Variants in SKIC3 observed in about 807,000 individuals in gnomAD.
The protein encoded by SKIC3 is SKI3 subunit of superkiller complex, also known as superkiller complex protein 3.
At chr5:95,514,821 A>T in the SKIC3 span, 2 of 1,602,110 alleles carry the variant, frequency 1.2e-6, no homozygotes, top group Non-Finnish European at 1.7e-6. Flanking sequence ...TGATATCAAC[A>T]AGCTTATTAG....
chr5:95,529,946 C>A, the SKIC3 span: 76 of 938,842 alleles, frequency 8.1e-5, 1 homozygote, highest in African/African-American at 1.1e-3. Flanking sequence ...AGAGTTCAAA[C>A]CTAAGCAGAG....
At chr5:95,549,427 T>C in the SKIC3 span, among the ~76,000 whole-genome samples, 4 of 152,054 alleles carry the variant, frequency 2.6e-5, no homozygotes, top group African/African-American at 9.7e-5. Flanking sequence ...TTAGTAATTT[T>C]TAAGTAGGTT....
the SKIC3 span, chr5:95,527,923 A>G: frequency 3.3e-4 from 475 of 1,425,758 alleles, no homozygotes; most frequent in African/African-American, 6.1e-3. Flanking sequence ...CAAAATCCAT[A>G]TAAGTAAATT....
chr5:95,543,915 C>T, the SKIC3 span, among the ~76,000 whole-genome samples: 1 of 152,184 alleles, frequency 6.6e-6, no homozygotes, highest in Non-Finnish European at 1.5e-5. Flanking sequence ...ATAACAGCTA[C>T]TTGCTAAAGG....
the SKIC3 span, among the ~76,000 whole-genome samples, chr5:95,502,659 C>T: frequency 4.6e-5 from 7 of 152,180 alleles, no homozygotes; most frequent in East Asian, 1.4e-3. Context: ...TAATATGCAA[C>T]AGAGTAATGG....
At chr5:95,481,019 T>C in the SKIC3 span, among the ~76,000 whole-genome samples, 3 of 152,092 alleles carry the variant, frequency 2.0e-5, no homozygotes, top group Non-Finnish European at 4.4e-5. Context: ...GCTAGAACTG[T>C]TCTGTATCTT....
the SKIC3 span, among the ~76,000 whole-genome samples, chr5:95,537,937 A>C: frequency 1.3e-5 from 2 of 152,210 alleles, no homozygotes; most frequent in Non-Finnish European, 2.9e-5. Context: ...TAAAGTTAAC[A>C]ATCTTACAAA....
the SKIC3 span, among the ~76,000 whole-genome samples, chr5:95,476,755 C>T: frequency 1.4e-4 from 22 of 151,898 alleles, no homozygotes; most frequent in Middle Eastern, 6.8e-3. Context: ...GAAAATACTT[C>T]GGTGGTATAG....
the SKIC3 span, among the ~76,000 whole-genome samples, chr5:95,524,994 G>A: frequency 9.3e-3 from 1,408 of 151,862 alleles, 21 homozygotes; most frequent in African/African-American, 0.032. Flanking sequence ...AGCAATTCTC[G>A]TGCCTCAGCC....
At chr5:95,473,147 T>C in the SKIC3 span, among the ~76,000 whole-genome samples, 1 of 152,212 alleles carries the variant, frequency 6.6e-6, no homozygotes. Flanking sequence ...CTGGGTCAAA[T>C]GGTAGCTTTA....
the SKIC3 span, among the ~76,000 whole-genome samples, chr5:95,473,546 GA>G: frequency 1.3e-5 from 2 of 152,186 alleles, no homozygotes. Context: ...AAAGTGCTGG[GA>G]TTACAGGCAT....
At chr5:95,490,501 T>TTC in the SKIC3 span, among the ~76,000 whole-genome samples, 21 of 124,774 alleles carry the variant, frequency 1.7e-4, no homozygotes, top group Admixed American at 1.3e-3. Context: ...TATATATATA[T>TTC]ATATTTTTTT....
chr5:95,516,949 A>C, the SKIC3 span: 2 of 1,611,678 alleles, frequency 1.2e-6, no homozygotes, highest in Non-Finnish European at 1.7e-6. Flanking sequence ...CCTTAAGATC[A>C]TTCATGTTGC....
At chr5:95,492,636 C>CAAAAAA in the SKIC3 span, among the ~76,000 whole-genome samples, 6 of 14,122 alleles carry the variant, frequency 4.2e-4, no homozygotes, top group Non-Finnish European at 7.7e-4. Flanking sequence ...GACTCCGTCT[C>CAAAAAA]AAAAAAAAAA....
the SKIC3 span, among the ~76,000 whole-genome samples, chr5:95,505,554 C>T: frequency 1.3e-5 from 2 of 152,152 alleles, no homozygotes; most frequent in African/African-American, 4.8e-5. Context: ...TGGCTCACGC[C>T]TGTAATTCCA....
At chr5:95,497,297 G>C in the SKIC3 span, 4 of 981,054 alleles carry the variant, frequency 4.1e-6, no homozygotes, top group South Asian at 1.4e-5. Flanking sequence ...GTTAATAACA[G>C]AACTTTCTTC....
At chr5:95,476,938 T>C in the SKIC3 span, among the ~76,000 whole-genome samples, 5 of 152,252 alleles carry the variant, frequency 3.3e-5, no homozygotes, top group Admixed American at 3.3e-4. Context: ...TAGTTTGCTA[T>C]TGTTAAAACT....
chr5:95,477,273 G>A, the SKIC3 span, among the ~76,000 whole-genome samples: 387 of 152,240 alleles, frequency 2.5e-3, 10 homozygotes, highest in East Asian at 0.051. Flanking sequence ...CAGACTGACA[G>A]AGCAAGGAAG....
At chr5:95,542,615 C>T in the SKIC3 span, among the ~76,000 whole-genome samples, 1 of 152,146 alleles carries the variant, frequency 6.6e-6, no homozygotes. Context: ...ACCAGATATC[C>T]TCAAGTTCTT....
Sources: allele counts gnomAD v4.1 joint callset (sites outside exome capture counted in the v4.1 genomes callset), GRCh38; gene constraint gnomAD v4.1.1; transcripts MANE v1.5; gene names NCBI Gene and HGNC (gene_info 2026-07-23, HGNC 2026-07-21).